GRID2: variants seen among roughly 807,000 people sequenced by gnomAD.
The protein encoded by GRID2 is glutamate ionotropic receptor delta type subunit 2.
Under a neutral mutation model 114.8 loss-of-function variants are expected in GRID2, and 33 were observed. The ratio of observed to expected loss-of-function variants is 0.29; its 90% CI spans 0.22 to 0.38. The LOEUF is 0.38. GRID2 is among the 10% of genes least tolerant of loss of function. GRID2 has a pLI of 1.00. For synonymous variants in GRID2, 505 were observed against 449.9 expected (o/e 1.12, Z -1.55); for missense variants, 1,184 against 1,257.7 (o/e 0.94, Z 0.89).
At chr4:93,244,549 AGAT>A (rs1747957316) in intron 8 of GRID2, among the ~76,000 whole-genome samples, 1 of 30,240 alleles carries the variant, frequency 3.3e-5, no homozygotes, top group Non-Finnish European at 7.0e-5. Context: ...ATTAATTAAT[AGAT>A]TATATAATCT....
intron 2 of GRID2, among the ~76,000 whole-genome samples, chr4:92,720,957 A>G (rs555362455): frequency 6.6e-6 from 1 of 152,246 alleles, no homozygotes; most frequent in African/African-American, 2.4e-5. Flanking sequence ...ATATAATGGA[A>G]TATTCTTGAG....
chr4:93,446,754 C>A (rs972618899), intron 10 of GRID2, among the ~76,000 whole-genome samples: 1 of 151,998 alleles, frequency 6.6e-6, no homozygotes, highest in Admixed American at 6.6e-5. Flanking sequence ...TATTTTAAAA[C>A]TGTGGTTGAA....
At position 93,221,536 on chromosome 4, in the gene GRID2, C is replaced by T. The variant is rs367890702; in HGVS notation, c.964-3078C>T. ...AAATGGTCATTTGTGTTGGTTGAGGCCTAAGTAGAAGTGAAGATCATCTGT... is the reference window on the plus strand; with the variant it reads ...AAATGGTCATTTGTGTTGGTTGAGGTCTAAGTAGAAGTGAAGATCATCTGT... On this transcript the variant is annotated intron_variant, in intron 6 of 15. Transcript: ENST00000282020. Among the ~76,000 whole-genome samples, 4 of 151,910 alleles carry T rather than the reference C, an allele frequency of 2.6e-5. No homozygotes were observed. The East Asian group carries it at 5.8e-4, about 22-fold the overall frequency.
chr4:92,582,952 A>G (rs1266424115), intron 1 of GRID2, among the ~76,000 whole-genome samples: 1 of 151,848 alleles, frequency 6.6e-6, no homozygotes, highest in East Asian at 1.9e-4. Flanking sequence ...GTATAATTAC[A>G]CTCTAGCCTG....
intron 4 of GRID2, among the ~76,000 whole-genome samples, chr4:93,151,060 G>T (rs1443725958): frequency 7.0e-6 from 1 of 142,248 alleles, no homozygotes; most frequent in Non-Finnish European, 1.5e-5. Flanking sequence ...GGATGCGGAG[G>T]TTACAGTAAG....
chr4:92,834,637 A>T (rs1742331439), intron 2 of GRID2, among the ~76,000 whole-genome samples: 1 of 152,218 alleles, frequency 6.6e-6, no homozygotes, highest in South Asian at 2.1e-4. Flanking sequence ...GAAGAGGTAC[A>T]TTAAGCAAAT....
intron 13 of GRID2, among the ~76,000 whole-genome samples, chr4:93,558,203 C>T (rs1267091378): frequency 1.3e-5 from 2 of 152,082 alleles, no homozygotes; most frequent in African/African-American, 4.8e-5. Context: ...CAAACAAATT[C>T]AAAAGCTAGC....
intron 1 of GRID2, among the ~76,000 whole-genome samples, chr4:92,407,212 C>T (rs1233597691): frequency 6.6e-6 from 1 of 152,140 alleles, no homozygotes; most frequent in Admixed American, 6.6e-5. Flanking sequence ...CAGGTCCCTT[C>T]CTCAACACCT....
At chr4:93,038,721 G>A (rs1725180658) in intron 2 of GRID2, among the ~76,000 whole-genome samples, 1 of 152,100 alleles carries the variant, frequency 6.6e-6, no homozygotes. Flanking sequence ...AACCCAGGAG[G>A]CGGAGCTTAG....
chr4:92,307,886 T>A (rs755457522), intron 1 of GRID2, among the ~76,000 whole-genome samples: 7 of 152,220 alleles, frequency 4.6e-5, no homozygotes, highest in Non-Finnish European at 1.0e-4. Context: ...ATTATGCTTC[T>A]ACTTTGAGCC....
At chr4:92,933,665 C>G (rs1227616961) in intron 2 of GRID2, among the ~76,000 whole-genome samples, 1 of 151,546 alleles carries the variant, frequency 6.6e-6, no homozygotes, top group Non-Finnish European at 1.5e-5. Context: ...TAACTTTTCC[C>G]TCCACTCGGT....
chr4:92,823,443 C>T (rs1247625965), intron 2 of GRID2, among the ~76,000 whole-genome samples: 1 of 152,058 alleles, frequency 6.6e-6, no homozygotes, highest in Non-Finnish European at 1.5e-5. Context: ...TAATAGGTGA[C>T]ATGAGAGAAA....
chr4:93,485,052 A>G (rs1422018104), intron 11 of GRID2, among the ~76,000 whole-genome samples: 2 of 151,880 alleles, frequency 1.3e-5, no homozygotes, highest in Non-Finnish European at 2.9e-5. Flanking sequence ...GGGTACAAGC[A>G]TTCTGATAGT....
rs138749808 is a variant in GRID2, at chr4:92,465,553, G to C, written c.89-124578G>C. ...AAAAACTAGTAGAATTGTAGATGAT[G>C]TTGGCACTTTCTTTGTAGTTTGCTC... On this transcript the variant is annotated intron_variant, in intron 1 of 15. Transcript: ENST00000282020. Among the ~76,000 whole-genome samples, 3 of 152,194 alleles carry C rather than the reference G, an allele frequency of 2.0e-5. No homozygotes were observed. The East Asian group carries it at 5.8e-4, about 29-fold the overall frequency.
intron 2 of GRID2, among the ~76,000 whole-genome samples, chr4:93,003,153 A>C (rs2149219284): frequency 6.6e-6 from 1 of 152,022 alleles, no homozygotes; most frequent in Non-Finnish European, 1.5e-5. Context: ...GCATTTAAAT[A>C]TCTTTGTGGT....
intron 13 of GRID2, among the ~76,000 whole-genome samples, chr4:93,592,069 T>G (rs1403232465): frequency 6.6e-6 from 1 of 152,220 alleles, no homozygotes; most frequent in Admixed American, 6.5e-5. Flanking sequence ...AGTTCTGCTC[T>G]GATTTTAGTT....
chr4:93,545,475 T>G (rs1297548513), intron 13 of GRID2, among the ~76,000 whole-genome samples: 1 of 152,052 alleles, frequency 6.6e-6, no homozygotes, highest in Non-Finnish European at 1.5e-5. Flanking sequence ...ATAATATGAG[T>G]AGGTAATGGC....
chr4:92,683,143 C>T (rs779859008), intron 2 of GRID2, among the ~76,000 whole-genome samples: 1 of 151,396 alleles, frequency 6.6e-6, no homozygotes, highest in African/African-American at 2.4e-5. Context: ...ACTAAAAATA[C>T]CAAAACTTAG....
At chr4:92,518,600 A>T (rs1724619790) in intron 1 of GRID2, among the ~76,000 whole-genome samples, 1 of 151,694 alleles carries the variant, frequency 6.6e-6, no homozygotes, top group Non-Finnish European at 1.5e-5. Context: ...GTTTTGCAAG[A>T]TAGAAAAGTT....
Sources: gnomAD v4.1 joint callset for allele counts (sites outside exome capture counted in the v4.1 genomes callset) on GRCh38, gnomAD v4.1.1 for gene constraint, MANE v1.5 for transcripts, NCBI Gene and HGNC (gene_info 2026-07-23, HGNC 2026-07-21) for gene names.